The following TTLL4 variants were observed in gnomAD, a reference collection of about 807,000 sequenced individuals.
TTLL4 encodes tubulin tyrosine ligase like 4.
A neutral mutation model predicts 122.7 loss-of-function variants in TTLL4; 85 were observed. The observed-to-expected ratio is 0.69, with a 90% CI of 0.58 to 0.83. TTLL4 has a LOEUF of 0.83. Among genes scored for constraint, TTLL4 ranks in the 40% least tolerant of loss-of-function variants. The pLI, the probability that TTLL4 is intolerant of heterozygous loss-of-function variation, is 0.00. For synonymous variants in TTLL4, 553 were observed against 563.0 expected (o/e 0.98, Z 0.25); for missense variants, 1,363 against 1,488.6 (o/e 0.92, Z 1.39).
chr2:218,715,576 GC>G, intron 1 of TTLL4, among the ~76,000 whole-genome samples: 1 of 152,182 alleles, frequency 6.6e-6, no homozygotes, highest in East Asian at 1.9e-4. Flanking sequence ...GCAACACAAT[GC>G]ATCTAAACAT....
chr2:218,744,991 C>T (rs1377697652), intron 5 of TTLL4, 118 bp from the exon 6 acceptor site: 1 of 1,404,670 alleles, frequency 7.1e-7, no homozygotes, highest in Non-Finnish European at 9.7e-7. Context: ...GAGCACCTGG[C>T]TTTTTAGAAT....
In TTLL4 at chr2:218,738,805, A is replaced by G; in HGVS notation, c.1129A>G (p.Arg377Gly). Residue 377 changes from arginine (R) to glycine (G), a missense_variant, in exon 3 of 20, where the codon AGG becomes GGG. By Grantham distance (125) the Arg-to-Gly change is moderately radical (BLOSUM62 -2). This residue lies in a region of TTLL4 where 760 missense variants were observed against 808.4 expected (regional missense o/e 0.94). Coordinates refer to ENST00000392102, the MANE Select transcript of TTLL4 (RefSeq NM_014640.5). ...CCAGTGGAATGTCCTCAACAGGAGCAGGCGGTGGAAACCTCCTGCGGTAAA... is the reference window on the plus strand; with the variant it reads ...CCAGTGGAATGTCCTCAACAGGAGCGGGCGGTGGAAACCTCCTGCGGTAAA... ...SFQWNVLNRSRRWKPPAVNQQ... is the reference protein window; with the variant it reads ...SFQWNVLNRSGRWKPPAVNQQ... 1 of 1,614,254 alleles carries G rather than the reference A, an allele frequency of 6.2e-7. No homozygotes were observed. The highest frequency in any genetic ancestry group is 8.5e-7 in the Non-Finnish European group (1 of 1,180,048).
intron 5 of TTLL4, among the ~76,000 whole-genome samples, chr2:218,742,518 C>T (rs1195277028): frequency 6.6e-6 from 1 of 152,086 alleles, no homozygotes; most frequent in Non-Finnish European, 1.5e-5. Context: ...GCCATCAAGT[C>T]CAGTGTAAAT....
At chr2:218,743,887 C>T (rs185663413) in intron 5 of TTLL4, among the ~76,000 whole-genome samples, 2 of 152,186 alleles carry the variant, frequency 1.3e-5, no homozygotes, top group Non-Finnish European at 2.9e-5. Flanking sequence ...CCATGTTGGT[C>T]AGGCTGGTCT....
At chr2:218,725,585 T>C (rs2106405555) in intron 1 of TTLL4, among the ~76,000 whole-genome samples, 1 of 152,244 alleles carries the variant, frequency 6.6e-6, no homozygotes, top group South Asian at 2.1e-4. Context: ...AGACAAAGTC[T>C]TACGCTGTCG....
chr2:218,749,059 A>T (rs1229312052), intron 13 of TTLL4, 125 bp downstream of exon 13: 2 of 1,266,428 alleles, frequency 1.6e-6, no homozygotes, highest in Admixed American at 4.2e-5. Context: ...AGAGAATAGG[A>T]AGGAGTGGCC....
intron 2 of TTLL4, among the ~76,000 whole-genome samples, chr2:218,729,418 A>T (rs919153562): frequency 2.7e-4 from 41 of 151,804 alleles, no homozygotes; most frequent in Non-Finnish European, 1.0e-4. Context: ...TCCTCTTCAT[A>T]CTTGAGTTCT....
intron 2 of TTLL4, among the ~76,000 whole-genome samples, chr2:218,735,967 CTTTTTTTTTTTT>C (rs765207077): frequency 1.3e-5 from 1 of 79,962 alleles, no homozygotes; most frequent in East Asian, 2.9e-4. Flanking sequence ...CGTGCCCAGC[CTTTTTTTTTTTT>C]TTTTTTTTTT....
At chr2:218,759,107 G>A (rs1943197831), downstream of TTLL4, among the ~76,000 whole-genome samples, 1 of 152,140 alleles carries the variant, frequency 6.6e-6, no homozygotes, top group Non-Finnish European at 1.5e-5. Flanking sequence ...AGCTGGGCAT[G>A]GTGGTGCATG....
intron 2 of TTLL4, among the ~76,000 whole-genome samples, chr2:218,728,757 C>CT (rs922701267): frequency 6.6e-6 from 1 of 152,178 alleles, no homozygotes; most frequent in African/African-American, 2.4e-5. Context: ...AACAGCCACT[C>CT]TGATTTGGTA....
Position 218,747,803 on chromosome 2 carries a change from C to A in TTLL4, c.2378+78C>A, listed in dbSNP as rs1468659428. On this transcript the variant is annotated intron_variant, in intron 11 of 19. Coordinates refer to ENST00000392102, the MANE Select transcript of TTLL4 (RefSeq NM_014640.5). The surrounding 1 kb of genome is among the most constrained non-coding windows in gnomAD (Gnocchi z 4.7). ...TTGGAGGGAGGGAAACTAGAAGACA[C>A]CAAACAGAAAAATAGTTTTTGTTAG... 3 of 1,567,190 alleles carry A rather than the reference C, an allele frequency of 1.9e-6. No homozygotes were observed. Among genetic ancestry groups the A allele is most frequent in the African/African-American group, 1.4e-5 (1 of 73,186 alleles).
Position 218,749,334 on chromosome 2 carries a change from C to A in TTLL4, c.2682C>A (p.Ile894=). The part of the protein sequence containing the change: ...YSCHELFGFD[I]MLDENLKPWV... The stretch of plus-strand genomic sequence containing the variant: ...GCCATGAACTCTTTGGTTTTGACAT[C>A]ATGCTAGACGAAAACCTCAAGCCCT... The change falls in exon 14 of 20, where the codon ATC becomes ATA. Residue 894 remains isoleucine, a synonymous_variant. Coordinates refer to ENST00000392102, the MANE Select transcript of TTLL4 (RefSeq NM_014640.5). 1 of 1,614,186 alleles carries A rather than the reference C, an allele frequency of 6.2e-7. No homozygotes were observed. The highest frequency in any genetic ancestry group is 1.1e-5 in the South Asian group (1 of 91,080).
chr2:218,736,213 G>A (rs1240713441), intron 2 of TTLL4: 1 of 152,206 alleles, frequency 6.6e-6, no homozygotes, highest in Non-Finnish European at 1.5e-5. Context: ...GAGCTCAAGT[G>A]ATCTGCCTGC....
rs1943116652 is a variant in TTLL4, at chr2:218,754,706, TG to T, written c.*319del. ...GTTTCTACCTTAAGTGAGCCATGTG[TG>T]GTTTGTCTGGGGGCCCTGGTGTGGT... On this transcript the variant is annotated 3_prime_UTR_variant, in exon 20 of 20. Transcript: ENST00000392102. 1.0e-5 allele frequency: 4 copies of T among 387,500 alleles called. No homozygotes were observed. Among genetic ancestry groups the T allele is most frequent in the Middle Eastern group, 7.2e-4 (1 of 1,382 alleles). The allele number at this position is 387,500 out of a possible 1,614,324, so 24.0% of individuals were successfully genotyped here. A position where few individuals can be genotyped will look rare whatever the true frequency, so the allele number is the denominator to read the frequency against.
intron 2 of TTLL4, among the ~76,000 whole-genome samples, chr2:218,728,227 A>G (rs1942252275): frequency 6.6e-6 from 1 of 152,214 alleles, no homozygotes; most frequent in East Asian, 1.9e-4. Flanking sequence ...CTATTTCTGT[A>G]AATACATTGT....
chr2:218,712,332 A>G lies in TTLL4; in HGVS notation c.-178+1295A>G, dbSNP rs1941733435. ...AGGGTTGTAGACTTCCAAGGGATAC[A>G]CTTGCACGTCTAGCTTAACATGAAT... On this transcript the variant is annotated intron_variant, in intron 1 of 19. Coordinates refer to ENST00000392102, the MANE Select transcript of TTLL4 (RefSeq NM_014640.5). Among the ~76,000 whole-genome samples, 6 of 151,748 alleles carry G rather than the reference A, an allele frequency of 4.0e-5. No homozygotes were observed. In the South Asian group the frequency reaches 1.2e-3, roughly 32 times the overall value.
intron 1 of TTLL4, among the ~76,000 whole-genome samples, chr2:218,711,772 AT>A (rs1480917888): frequency 1.3e-5 from 2 of 151,372 alleles, no homozygotes; most frequent in Non-Finnish European, 2.9e-5. Flanking sequence ...AGAAAACGAC[AT>A]TATTGCCATT....
intron 2 of TTLL4, chr2:218,728,159 T>A (rs969666878): frequency 8.5e-4 from 2 of 2,352 alleles, no homozygotes; most frequent in Non-Finnish European, 1.6e-3. Flanking sequence ...CTGGGGTGGG[T>A]GGGTGGGGGA....
Position 218,748,122 on chromosome 2 carries a change from A to G in TTLL4, c.2396A>G (p.Lys799Arg), listed in dbSNP as rs747479805. ...ACTTCCAGGTATTCGCCTTCCATGA[A>G]GAGCCTTGGCAATAAGTTCATGCAC... ...FASCKYSPSM[K>R]SLGNKFMHLT... The change falls in exon 12 of 20, where the codon AAG (lysine) becomes AGG (arginine). Residue 799 changes from lysine to arginine, a missense_variant. This residue lies in a region of TTLL4 where 596 missense variants were observed against 655.8 expected (regional missense o/e 0.91). Transcript: ENST00000392102. 1 of 1,614,132 alleles carries G rather than the reference A, an allele frequency of 6.2e-7. No homozygotes were observed. The highest frequency in any genetic ancestry group is 8.5e-7 in the Non-Finnish European group (1 of 1,180,016).
Sources: allele counts gnomAD v4.1 joint callset (sites outside exome capture counted in the v4.1 genomes callset), GRCh38; gene constraint gnomAD v4.1.1; regional missense constraint gnomAD v4.1.1; non-coding constraint Gnocchi (gnomAD v3.1); transcripts MANE v1.5; gene names NCBI Gene and HGNC (gene_info 2026-07-23, HGNC 2026-07-21).